PAM: variants seen among roughly 807,000 people sequenced by gnomAD.
PAM encodes the protein peptidyl-glycine alpha-amidating monooxygenase.
PAM carries 72 observed loss-of-function variants against 122.1 expected under a neutral mutation model. That is an observed-to-expected ratio of 0.59 (90% confidence interval 0.49 to 0.72). The LOEUF is 0.72. Ranked by LOEUF, PAM falls within the 30% of genes least tolerant of loss-of-function variation. The pLI is 0.00. For synonymous variants in PAM, 389 were observed against 404.4 expected (o/e 0.96, Z 0.46); for missense variants, 1,106 against 1,183.7 (o/e 0.93, Z 0.96).
chr5:103,008,096 A>G (rs1285159151), intron 20 of PAM, among the ~76,000 whole-genome samples: 3 of 152,080 alleles, frequency 2.0e-5, no homozygotes, highest in Non-Finnish European at 4.4e-5. Flanking sequence ...GCTTATGCCT[A>G]AATACCAGGA....
chr5:103,016,283 C>A (rs1242413534), intron 21 of PAM, among the ~76,000 whole-genome samples: 1 of 152,194 alleles, frequency 6.6e-6, no homozygotes, highest in African/African-American at 2.4e-5. Flanking sequence ...TCTGCCCCGC[C>A]TAAACTGAGC....
chr5:102,974,438 T>C lies in PAM; in HGVS notation c.1483+2T>C. 1 of 1,603,036 alleles carries C rather than the reference T, an allele frequency of 6.2e-7. No individual in the cohort carries two copies. The highest frequency in any genetic ancestry group is 8.5e-7 in the Non-Finnish European group (1 of 1,172,806). ...CCTGGGAACCAGAACACACAGGAGG[T>C]GCGTGTAGGGTTTCTTTTAAGCAGT... On this transcript the variant is annotated splice_donor_variant, in intron 15 of 25. Coordinates refer to ENST00000438793, the MANE Select transcript of PAM (RefSeq NM_001177306.2). LOFTEE classifies it high-confidence loss of function.
intron 1 of PAM, among the ~76,000 whole-genome samples, chr5:102,804,399 A>C (rs1765672495): frequency 1.3e-5 from 2 of 152,162 alleles, no homozygotes; most frequent in African/African-American, 4.8e-5. Context: ...GACCTAAGCT[A>C]GAGGGGCAGT....
intron 3 of PAM, among the ~76,000 whole-genome samples, chr5:102,901,142 G>A (rs1797712108): frequency 6.6e-6 from 1 of 151,458 alleles, no homozygotes; most frequent in Non-Finnish European, 1.5e-5. Context: ...TTTATAAATA[G>A]GATCTAAAGT....
chr5:102,787,721 A>G (rs1307209767), intron 1 of PAM, among the ~76,000 whole-genome samples: 1 of 151,964 alleles, frequency 6.6e-6, no homozygotes, highest in Non-Finnish European at 1.5e-5. Flanking sequence ...AGAGTTACGA[A>G]TCCCTTGGTG....
At chr5:102,812,482 T>C (rs1178147460) in intron 1 of PAM, among the ~76,000 whole-genome samples, 1 of 152,092 alleles carries the variant, frequency 6.6e-6, no homozygotes, top group East Asian at 1.9e-4. Flanking sequence ...AAAAAGGAGA[T>C]GGAAAGAAAA....
chr5:102,979,785 TAGC>T (rs1354823411), intron 15 of PAM, among the ~76,000 whole-genome samples: 2 of 152,092 alleles, frequency 1.3e-5, no homozygotes, highest in Admixed American at 6.5e-5. Context: ...GCAATTTTAA[TAGC>T]AGTATTTAAT....
At chr5:102,848,721 A>G (rs1780597095) in intron 1 of PAM, among the ~76,000 whole-genome samples, 1 of 152,222 alleles carries the variant, frequency 6.6e-6, no homozygotes, top group Admixed American at 6.5e-5. Context: ...TGATAGGTAA[A>G]GTTGAGGAAA....
chr5:102,937,128 C>A (rs1753529652), intron 7 of PAM, among the ~76,000 whole-genome samples: 1 of 152,064 alleles, frequency 6.6e-6, no homozygotes, highest in African/African-American at 2.4e-5. Flanking sequence ...CAAAATTTGG[C>A]ATTTGGATTT....
intron 12 of PAM, among the ~76,000 whole-genome samples, chr5:102,954,908 G>A (rs919688506): frequency 6.6e-6 from 1 of 151,918 alleles, no homozygotes; most frequent in Admixed American, 6.6e-5. Flanking sequence ...GAATGTTCAT[G>A]GATACCAACA....
chr5:102,770,180 A>C (rs1256727468), intron 1 of PAM, among the ~76,000 whole-genome samples: 1 of 152,026 alleles, frequency 6.6e-6, no homozygotes, highest in Admixed American at 6.6e-5. Flanking sequence ...TAGAAATGCT[A>C]CTGATTTTTG....
At chr5:102,878,676 G>C (rs1224294959) in intron 3 of PAM, among the ~76,000 whole-genome samples, 1 of 151,806 alleles carries the variant, frequency 6.6e-6, no homozygotes, top group Non-Finnish European at 1.5e-5. Flanking sequence ...CTTGACCTGT[G>C]CAGGCCTAGG....
chr5:102,774,655 T>G (rs747062663), intron 1 of PAM, among the ~76,000 whole-genome samples: 15 of 152,046 alleles, frequency 9.9e-5, no homozygotes, highest in Non-Finnish European at 1.9e-4. Flanking sequence ...ACATCTTAAT[T>G]TTTTTATTCT....
At chr5:102,805,711 T>C (rs538278853) in intron 1 of PAM, among the ~76,000 whole-genome samples, 1 of 152,226 alleles carries the variant, frequency 6.6e-6, no homozygotes, top group Non-Finnish European at 1.5e-5. Flanking sequence ...TCTAATAAGG[T>C]GGTGAGATCA....
At chr5:102,856,880 C>A (rs1434030106) in intron 1 of PAM, among the ~76,000 whole-genome samples, 1 of 151,904 alleles carries the variant, frequency 6.6e-6, no homozygotes, top group Non-Finnish European at 1.5e-5. Flanking sequence ...GAATCCCAAA[C>A]AAATCTGTGT....
At chr5:102,827,127 C>G (rs185621706) in intron 1 of PAM, among the ~76,000 whole-genome samples, 1 of 152,292 alleles carries the variant, frequency 6.6e-6, no homozygotes, top group South Asian at 2.1e-4. Context: ...TCTTTGCTAT[C>G]CTCTTTCTAT....
intron 16 of PAM, among the ~76,000 whole-genome samples, chr5:102,993,643 A>C (rs953909397): frequency 6.6e-6 from 1 of 152,180 alleles, no homozygotes; most frequent in South Asian, 2.1e-4. Context: ...ATTAGTTTGT[A>C]TAAGTGAAAA....
intron 3 of PAM, among the ~76,000 whole-genome samples, chr5:102,876,887 T>C (rs1789398053): frequency 1.3e-5 from 2 of 152,200 alleles, no homozygotes; most frequent in African/African-American, 2.4e-5. Flanking sequence ...AAGCAAGCAC[T>C]TTAAGCGGAG....
chr5:103,028,745 G>C (rs1251523123), intron 25 of PAM, 142 bp from the exon 26 acceptor site: 1 of 602,484 alleles, frequency 1.7e-6, no homozygotes, highest in Admixed American at 3.2e-5. Context: ...ATACGTCTCT[G>C]TCTGTTTTTC....
Sources: gnomAD v4.1 joint callset for allele counts (sites outside exome capture counted in the v4.1 genomes callset) on GRCh38, gnomAD v4.1.1 for gene constraint, MANE v1.5 for transcripts, NCBI Gene and HGNC (gene_info 2026-07-23, HGNC 2026-07-21) for gene names.